The following FUT9 variants were observed in gnomAD, a reference collection of about 807,000 sequenced individuals.
FUT9 encodes fucosyltransferase 9.
In FUT9, 15 loss-of-function variants were observed where a neutral mutation model predicts 29.7. That is an observed-to-expected ratio of 0.51 (90% CI 0.34 to 0.78). The LOEUF (loss-of-function observed/expected upper bound fraction) is 0.78. Ranked by LOEUF, FUT9 falls within the 30% of genes least tolerant of loss-of-function variation. FUT9 has a pLI of 0.01. For synonymous variants in FUT9, 169 were observed against 153.7 expected (o/e 1.10, Z -0.74); for missense variants, 319 against 425.4 (o/e 0.75, Z 2.20).
chr6:96,146,469 G>A (rs890011589), intron 2 of FUT9, among the ~76,000 whole-genome samples: 1 of 152,106 alleles, frequency 6.6e-6, no homozygotes, highest in East Asian at 1.9e-4. Flanking sequence ...GAAAATCTGA[G>A]GGGTTATATC....
chr6:96,161,983 C>T (rs1772912860), intron 2 of FUT9, among the ~76,000 whole-genome samples: 1 of 152,176 alleles, frequency 6.6e-6, no homozygotes, highest in African/African-American at 2.4e-5. Context: ...ATGAACTCAT[C>T]AAAGGCATTT....
chr6:96,127,963 C>G (rs754624049), intron 2 of FUT9, among the ~76,000 whole-genome samples: 1 of 151,932 alleles, frequency 6.6e-6, no homozygotes, highest in East Asian at 1.9e-4. Context: ...ATATTTTTCT[C>G]CTATTCTATA....
chr6:96,110,660 C>A (rs191072615), intron 1 of FUT9, among the ~76,000 whole-genome samples: 273 of 151,974 alleles, frequency 1.8e-3, no homozygotes, highest in African/African-American at 6.2e-3. Context: ...TGCCTGAAGG[C>A]TTTTTTCCTA....
chr6:96,095,940 T>G (rs1318656020), intron 1 of FUT9, among the ~76,000 whole-genome samples: 1 of 152,188 alleles, frequency 6.6e-6, no homozygotes, highest in South Asian at 2.1e-4. Context: ...TTACATGATG[T>G]GATGTTTGTA....
intron 1 of FUT9, among the ~76,000 whole-genome samples, chr6:96,106,261 T>C (rs1014991743): frequency 2.0e-5 from 3 of 148,830 alleles, no homozygotes; most frequent in African/African-American, 7.5e-5. Context: ...TCTTAATGCT[T>C]CCTCTATTTT....
intron 1 of FUT9, among the ~76,000 whole-genome samples, chr6:96,063,191 C>A (rs1043966768): frequency 1.1e-4 from 16 of 152,252 alleles, no homozygotes; most frequent in African/African-American, 3.9e-4. Context: ...TAAAAGCTGG[C>A]TGACAATTTA....
intron 1 of FUT9, among the ~76,000 whole-genome samples, chr6:96,106,213 C>CCCTTCCTTCCTTCCTTCCTTCCTG (rs1771681677): frequency 7.3e-6 from 1 of 137,142 alleles, no homozygotes; most frequent in Non-Finnish European, 1.6e-5. Flanking sequence ...AATCCATCAA[C>CCCTTCCTTCCTTCCTTCCTTCCTG]CCTTCCTTCC....
rs538092407 is a variant in FUT9, at chr6:96,078,472, G to C, written c.-97-35567G>C. On this transcript the variant is annotated intron_variant, in intron 1 of 2. Coordinates refer to ENST00000302103, the MANE Select transcript of FUT9 (RefSeq NM_006581.4). ...GCCTCGCTCTGTCCCACAGGCTGGA[G>C]TGCAGTGGCGCGATCTTGGCTCACT... Among the ~76,000 whole-genome samples, 25 of 123,058 alleles carry C rather than the reference G, an allele frequency of 2.0e-4. No individual in the cohort carries two copies. In the East Asian group the frequency reaches 6.4e-3, roughly 32 times the overall value. The allele number at this position is 123,058 out of a possible 152,430, so 80.7% of individuals were successfully genotyped here. A position where few individuals can be genotyped will look rare whatever the true frequency, so the allele number is the denominator to read the frequency against.
intron 1 of FUT9, among the ~76,000 whole-genome samples, chr6:96,032,294 C>G (rs1163020580): frequency 6.6e-6 from 1 of 151,480 alleles, no homozygotes; most frequent in Non-Finnish European, 1.5e-5. Flanking sequence ...ACTTTCTATC[C>G]CTAATGACTA....
intron 2 of FUT9, among the ~76,000 whole-genome samples, chr6:96,161,315 G>A (rs959577416): frequency 6.6e-6 from 1 of 152,034 alleles, no homozygotes; most frequent in Non-Finnish European, 1.5e-5. Flanking sequence ...ACCATGAGCC[G>A]ATACAGTTAG....
chr6:96,213,052 A>C lies in FUT9; in HGVS notation c.*8817A>C, dbSNP rs1379878003. ...ATTGGTTAGAAATTCTAATTTAATT[A>C]GCCTGGCACAGTGCACAAACTGCCA... On this transcript the variant is annotated 3_prime_UTR_variant, in exon 3 of 3. Transcript: ENST00000302103. The C allele has an allele frequency of 6.0e-6, 1 of 166,954 alleles. No individual in the cohort carries two copies. Among genetic ancestry groups the C allele is most frequent in the Non-Finnish European group, 1.5e-5 (1 of 68,020 alleles). The allele number at this position is 166,954 out of a possible 1,614,324, so 10.3% of individuals were successfully genotyped here. A position where few individuals can be genotyped will look rare whatever the true frequency, so the allele number is the denominator to read the frequency against.
intron 1 of FUT9, among the ~76,000 whole-genome samples, chr6:96,096,387 A>C (rs1186176138): frequency 6.6e-6 from 1 of 152,156 alleles, no homozygotes; most frequent in Non-Finnish European, 1.5e-5. Flanking sequence ...TATATTCAAC[A>C]TAGCAGAGTG....
intron 1 of FUT9, among the ~76,000 whole-genome samples, chr6:96,079,101 T>A: frequency 6.6e-6 from 1 of 152,206 alleles, no homozygotes; most frequent in East Asian, 1.9e-4. Context: ...TACGTGCCCA[T>A]GTTCAGAGGC....
At chr6:96,164,392 G>A (rs958662064) in intron 2 of FUT9, among the ~76,000 whole-genome samples, 1 of 151,678 alleles carries the variant, frequency 6.6e-6, no homozygotes, top group Non-Finnish European at 1.5e-5. Context: ...CTGAGTAGCT[G>A]GGACTACAGG....
At chr6:96,190,847 T>A (rs1391880034) in intron 2 of FUT9, among the ~76,000 whole-genome samples, 2 of 152,172 alleles carry the variant, frequency 1.3e-5, no homozygotes. Flanking sequence ...TTGCGATGGG[T>A]TCAAACTTTC....
intron 1 of FUT9, among the ~76,000 whole-genome samples, chr6:96,021,262 GT>G (rs937392849): frequency 2.2e-4 from 34 of 151,264 alleles, no homozygotes; most frequent in Non-Finnish European, 4.9e-4. Context: ...CTCTGACAGA[GT>G]TTTTTGTTGT....
chr6:96,164,349 C>T (rs1357800985), intron 2 of FUT9, among the ~76,000 whole-genome samples: 2 of 150,498 alleles, frequency 1.3e-5, no homozygotes, highest in South Asian at 4.2e-4. Context: ...ACCTCCGCCT[C>T]CTGGGTTCAC....
chr6:96,103,013 A>G (rs945718222), intron 1 of FUT9, among the ~76,000 whole-genome samples: 1 of 152,204 alleles, frequency 6.6e-6, no homozygotes, highest in Non-Finnish European at 1.5e-5. Flanking sequence ...AGGCAGGTCC[A>G]GACTTCCTTG....
chr6:96,058,534 C>T (rs939811316), intron 1 of FUT9, among the ~76,000 whole-genome samples: 4 of 146,086 alleles, frequency 2.7e-5, no homozygotes, highest in Admixed American at 2.7e-4. Flanking sequence ...TTGGAAATCC[C>T]TTTGAAGACC....
Sources: gnomAD v4.1 joint callset for allele counts (sites outside exome capture counted in the v4.1 genomes callset) on GRCh38, gnomAD v4.1.1 for gene constraint, MANE v1.5 for transcripts, NCBI Gene and HGNC (gene_info 2026-07-23, HGNC 2026-07-21) for gene names.